Variants in ANO10 observed in about 807,000 individuals in gnomAD.
The protein encoded by ANO10 is anoctamin-10.
A neutral mutation model predicts 74.7 loss-of-function variants in ANO10; 77 were observed. The ratio of observed to expected loss-of-function variants is 1.03; its 90% CI spans 0.86 to 1.25. ANO10 has a LOEUF of 1.25. Among genes scored for constraint, ANO10 ranks in the 50% most tolerant of loss-of-function variants. ANO10 has a pLI of 0.00. For synonymous variants in ANO10, 279 were observed against 284.9 expected, an observed-to-expected ratio of 0.98 and a Z score of 0.21; for missense variants, 721 against 778.1, an observed-to-expected ratio of 0.93 and a Z score of 0.87.
chr3:43,412,232 C>T (rs761039279), intron 12 of ANO10, among the ~76,000 whole-genome samples: 4 of 152,126 alleles, frequency 2.6e-5, no homozygotes, highest in Middle Eastern at 3.4e-3. Context: ...TACAATGATG[C>T]CTAGCTTGGT....
rs933131264 is a variant in ANO10 at position 43,366,473 on chromosome 3, A to T, written c.*433T>A. On this transcript the variant is annotated 3_prime_UTR_variant, in exon 13 of 13. Coordinates refer to ENST00000292246, the MANE Select transcript of ANO10 (RefSeq NM_018075.5). Reference sequence around the variant, plus strand: ...CCTTACTGTACCCCGCTCACTCTCAACTGAGGCTCCTGTGATGAGCACAGT... The same window carrying T: ...CCTTACTGTACCCCGCTCACTCTCATCTGAGGCTCCTGTGATGAGCACAGT... 67 of 313,706 alleles carry T rather than the reference A, an allele frequency of 2.1e-4. No individual in the cohort carries two copies. Among genetic ancestry groups the T allele is most frequent in the African/African-American group, 1.3e-3 (60 of 46,806 alleles). 19.4% of individuals were successfully genotyped at this position (313,706 alleles called of 1,614,324 possible). A position where few individuals can be genotyped will look rare whatever the true frequency, so the allele number is the denominator to read the frequency against.
chr3:43,690,432 A>C (rs1575595275), intron 1 of ANO10: 1 of 152,622 alleles, frequency 6.6e-6, no homozygotes, highest in African/African-American at 2.4e-5. Context: ...CCACTACAGT[A>C]ACATCAGCAC....
chr3:43,371,657 C>T (rs887546344), intron 12 of ANO10, among the ~76,000 whole-genome samples: 1 of 152,194 alleles, frequency 6.6e-6, no homozygotes, highest in Non-Finnish European at 1.5e-5. Context: ...TCAAGCTGTG[C>T]ACACACCCCT....
intron 11 of ANO10, among the ~76,000 whole-genome samples, chr3:43,548,690 T>G (rs1020663388): frequency 1.3e-5 from 2 of 152,250 alleles, no homozygotes; most frequent in Non-Finnish European, 2.9e-5. Context: ...TCTGCTTTTA[T>G]AGAGTTCCAT....
At chr3:43,460,612 A>G (rs1337327606) in intron 11 of ANO10, among the ~76,000 whole-genome samples, 1 of 152,218 alleles carries the variant, frequency 6.6e-6, no homozygotes, top group Non-Finnish European at 1.5e-5. Context: ...TGAGCCAGCC[A>G]TGCTACTGGC....
chr3:43,572,466 C>G (rs2080783291), intron 7 of ANO10, among the ~76,000 whole-genome samples: 1 of 152,170 alleles, frequency 6.6e-6, no homozygotes, highest in Non-Finnish European at 1.5e-5. Flanking sequence ...CTCTTCATGC[C>G]TATGTACCTG....
chr3:43,651,481 G>A (rs79859832), intron 1 of ANO10, among the ~76,000 whole-genome samples: 5,648 of 152,254 alleles, frequency 0.037, 145 homozygotes, highest in Non-Finnish European at 0.06. Flanking sequence ...GTTTTTGGAA[G>A]ATAGAAGTAA....
Position 43,516,357 on chromosome 3 carries a change from A to G in ANO10, c.1797+33363T>C, listed in dbSNP as rs1295120747. Among the ~76,000 whole-genome samples the G allele has an allele frequency of 2.0e-5, 3 of 152,180 alleles. No individual in the cohort carries two copies. In the East Asian group the frequency reaches 5.8e-4, roughly 29 times the overall value. On this transcript the variant is annotated intron_variant, in intron 11 of 12. Transcript: ENST00000292246. ...TGGGAGAAAATTCCAGGCCAAAGAA[A>G]ACTCCAGGCAAAGACACAAAAGCAG...
At chr3:43,620,276 A>AT (rs2083321088) in intron 1 of ANO10, among the ~76,000 whole-genome samples, 1 of 152,314 alleles carries the variant, frequency 6.6e-6, no homozygotes, top group African/African-American at 2.4e-5. Context: ...AAGTGAGAAA[A>AT]TGTAAGGTGG....
chr3:43,530,724 A>C (rs2078428151), intron 11 of ANO10, among the ~76,000 whole-genome samples: 1 of 152,172 alleles, frequency 6.6e-6, no homozygotes, highest in South Asian at 2.1e-4. Context: ...TATTGTTGTT[A>C]ATATCTTACT....
intron 12 of ANO10, among the ~76,000 whole-genome samples, chr3:43,431,407 C>T (rs1183016722): frequency 1.3e-5 from 2 of 151,692 alleles, no homozygotes; most frequent in Admixed American, 6.6e-5. Flanking sequence ...ATAATCTTGC[C>T]TCTTCTACTT....
At chr3:43,467,178 AAC>A (rs1433911545) in intron 11 of ANO10, among the ~76,000 whole-genome samples, 1 of 152,242 alleles carries the variant, frequency 6.6e-6, no homozygotes, top group African/African-American at 2.4e-5. Context: ...CACTCTATAA[AAC>A]AGTTAGAAAA....
rs146262296 is a variant in ANO10 at position 43,617,672 on chromosome 3, G to A, written c.-12+4237C>T. 7.5e-4 allele frequency among the ~76,000 whole-genome samples: 114 copies of A among 151,950 alleles called. 1 individual carries two copies. The highest frequency in any genetic ancestry group is 2.7e-3 in the African/African-American group (110 of 41,408). On this transcript the variant is annotated intron_variant, in intron 1 of 12. Transcript: ENST00000292246. Reference sequence around the variant, plus strand: ...TGGGGAGTTATTTTAACAAGGATCAGGAAAAGAATAATGGATTCTTTATTC... The same window carrying A: ...TGGGGAGTTATTTTAACAAGGATCAAGAAAAGAATAATGGATTCTTTATTC...
chr3:43,552,983 G>A (rs1409049774), intron 10 of ANO10, among the ~76,000 whole-genome samples: 2 of 151,936 alleles, frequency 1.3e-5, no homozygotes, highest in African/African-American at 4.8e-5. Context: ...TGGTAGAGAT[G>A]GGGTTTCACC....
chr3:43,519,070 C>T (rs576980519), intron 11 of ANO10, among the ~76,000 whole-genome samples: 11 of 152,142 alleles, frequency 7.2e-5, no homozygotes, highest in Non-Finnish European at 1.0e-4. Context: ...ATGTCTCCCC[C>T]GGACACCCAG....
intron 12 of ANO10, among the ~76,000 whole-genome samples, chr3:43,407,900 G>A (rs1044423594): frequency 9.9e-5 from 15 of 152,210 alleles, no homozygotes; most frequent in Admixed American, 3.9e-4. Flanking sequence ...GAGGCTGCAA[G>A]CACAGCCACA....
At chr3:43,588,066 C>T (rs568799416) in intron 4 of ANO10, among the ~76,000 whole-genome samples, 1 of 152,258 alleles carries the variant, frequency 6.6e-6, no homozygotes, top group South Asian at 2.1e-4. Context: ...CAGATGGTTT[C>T]ATATAGAAAT....
chr3:43,535,673 G>GT (rs1487239932), intron 11 of ANO10, among the ~76,000 whole-genome samples: 1 of 152,184 alleles, frequency 6.6e-6, no homozygotes, highest in Admixed American at 6.5e-5. Flanking sequence ...GACCAGCACA[G>GT]TGTGGGCCAC....
Position 43,605,800 on chromosome 3 carries a change from A to G in ANO10, c.53T>C (p.Leu18Ser), listed in dbSNP as rs1210761454. Residue 18 changes from leucine (L) to serine (S), a missense_variant, in exon 2 of 13, where the codon TTG becomes TCG. Transcript: ENST00000292246. ...ATCCTGAGCAAGTTCTATGACCACC[A>G]AAGGTGTGAAAGAACTCTCAGAAGT... ...LDTSESSFTP[L>S]VVIELAQDVK... 6.2e-6 allele frequency: 10 copies of G among 1,613,692 alleles called. No homozygotes were observed. The East Asian group carries it at 1.6e-4, about 25-fold the overall frequency.
Sources: allele counts gnomAD v4.1 joint callset (sites outside exome capture counted in the v4.1 genomes callset), GRCh38; gene constraint gnomAD v4.1.1; transcripts MANE v1.5; gene names NCBI Gene and HGNC (gene_info 2026-07-23, HGNC 2026-07-21).